CAMKMT: variants seen among roughly 807,000 people sequenced by gnomAD.
CAMKMT encodes the protein calmodulin-lysine N-methyltransferase.
CAMKMT carries 53 observed loss-of-function variants against 48.0 expected under a neutral mutation model. The observed-to-expected ratio is 1.10, with a 90% CI of 0.89 to 1.39. The LOEUF is 1.39. CAMKMT is among the 40% of genes most tolerant of loss of function. The probability of loss-of-function intolerance (pLI) is 0.00; values close to 1 mark genes in which losing one functional copy is unlikely to be tolerated. For synonymous variants in CAMKMT, 165 were observed against 152.3 expected (o/e 1.08, Z -0.61); for missense variants, 428 against 402.7 (o/e 1.06, Z -0.54).
At chr2:44,377,802 A>G (rs786624) in intron 2 of CAMKMT, among the ~76,000 whole-genome samples, 81,291 of 151,826 alleles carry the variant, frequency 0.54, 23,862 homozygotes, top group Non-Finnish European at 0.67. Context: ...GCATCTTTCT[A>G]TTATAACAAA....
chr2:44,708,183 G>A (rs972847981), intron 6 of CAMKMT, among the ~76,000 whole-genome samples: 1 of 141,954 alleles, frequency 7.0e-6, no homozygotes, highest in African/African-American at 2.6e-5. Context: ...GAAACTGAGA[G>A]GAAAAGTGGC....
intron 3 of CAMKMT, among the ~76,000 whole-genome samples, chr2:44,522,856 A>C (rs928312810): frequency 6.6e-6 from 1 of 152,334 alleles, no homozygotes; most frequent in Middle Eastern, 3.4e-3. Flanking sequence ...GGGAGCAAGA[A>C]TAAGCCAGGT....
chr2:44,621,978 G>A (rs1048010433), intron 3 of CAMKMT, among the ~76,000 whole-genome samples: 2 of 152,166 alleles, frequency 1.3e-5, no homozygotes, highest in Non-Finnish European at 1.5e-5. Flanking sequence ...GGAGGTAAAA[G>A]GTGATGGATT....
At chr2:44,671,676 G>T (rs1287466258) in intron 3 of CAMKMT, among the ~76,000 whole-genome samples, 1 of 152,010 alleles carries the variant, frequency 6.6e-6, no homozygotes, top group Non-Finnish European at 1.5e-5. Context: ...GAATTTTCAG[G>T]GATTTTTTTG....
chr2:44,417,865 A>C (rs1040871965), intron 3 of CAMKMT, among the ~76,000 whole-genome samples: 2 of 152,108 alleles, frequency 1.3e-5, no homozygotes, highest in African/African-American at 4.8e-5. Flanking sequence ...AGTGTATGTC[A>C]AATGTTTTGC....
intron 10 of CAMKMT, among the ~76,000 whole-genome samples, chr2:44,769,898 T>A (rs1681035030): frequency 1.3e-5 from 2 of 152,218 alleles, no homozygotes; most frequent in Admixed American, 1.3e-4. Context: ...ACTCCACTCC[T>A]GCTGCTGCTG....
At chr2:44,575,488 A>G (rs569187553) in intron 3 of CAMKMT, among the ~76,000 whole-genome samples, 4 of 152,252 alleles carry the variant, frequency 2.6e-5, no homozygotes, top group East Asian at 1.9e-4. Flanking sequence ...TAAGATTTTT[A>G]TCGCTATTCT....
intron 3 of CAMKMT, among the ~76,000 whole-genome samples, chr2:44,606,816 C>CA (rs913312400): frequency 2.0e-5 from 3 of 151,420 alleles, no homozygotes; most frequent in Non-Finnish European, 4.4e-5. Context: ...TGACCCCCCC[C>CA]CCACCAAGAT....
intron 3 of CAMKMT, among the ~76,000 whole-genome samples, chr2:44,594,454 C>T (rs533846355): frequency 1.3e-5 from 2 of 152,230 alleles, no homozygotes; most frequent in South Asian, 4.2e-4. Flanking sequence ...GTACTGGTAC[C>T]AAAACAGATA....
At chr2:44,517,545 G>T (rs1426625191) in intron 3 of CAMKMT, among the ~76,000 whole-genome samples, 1 of 152,184 alleles carries the variant, frequency 6.6e-6, no homozygotes, top group East Asian at 1.9e-4. Context: ...TCAACAGGGA[G>T]TGGTGCTTCT....
At chr2:44,495,361 C>G (rs541870938) in intron 3 of CAMKMT, among the ~76,000 whole-genome samples, 2 of 152,142 alleles carry the variant, frequency 1.3e-5, no homozygotes, top group Non-Finnish European at 2.9e-5. Context: ...CCAGGCTGGT[C>G]TTGAACTCCT....
At chr2:44,639,608 C>T (rs1306010776) in intron 3 of CAMKMT, among the ~76,000 whole-genome samples, 7 of 152,146 alleles carry the variant, frequency 4.6e-5, no homozygotes, top group Admixed American at 4.6e-4. Context: ...AAGCACTATA[C>T]AAGTGTAGCA....
chr2:44,750,300 G>A (rs1243787289), intron 8 of CAMKMT, among the ~76,000 whole-genome samples: 1 of 152,022 alleles, frequency 6.6e-6, no homozygotes, highest in African/African-American at 2.4e-5. Context: ...GGGATTACAG[G>A]CACACACCAC....
rs72790017 is a variant in CAMKMT, at chr2:44,484,234, C to T, written c.376+93929C>T. Among the ~76,000 whole-genome samples the T allele has an allele frequency of 2.6e-3, 384 of 149,944 alleles. 1 individual carries two copies. The highest frequency in any genetic ancestry group is 4.0e-3 in the Non-Finnish European group (273 of 67,492). On this transcript the variant is annotated intron_variant, in intron 3 of 10. Transcript: ENST00000378494. Reference sequence around the variant, plus strand: ...GGTAGAAACTGACAAACGATTTTAACGTTTATATGAAAATGTAAAGAACCA... The same window carrying T: ...GGTAGAAACTGACAAACGATTTTAATGTTTATATGAAAATGTAAAGAACCA...
intron 3 of CAMKMT, among the ~76,000 whole-genome samples, chr2:44,587,731 C>T (rs574619394): frequency 2.7e-4 from 36 of 133,108 alleles, no homozygotes; most frequent in Middle Eastern, 3.6e-3. Flanking sequence ...CCGCCAGCCT[C>T]GGCCTCCCGA....
At chr2:44,761,869 T>G (rs1291421705) in intron 9 of CAMKMT, among the ~76,000 whole-genome samples, 1 of 152,162 alleles carries the variant, frequency 6.6e-6, no homozygotes, top group African/African-American at 2.4e-5. Context: ...GAGTTTTATT[T>G]TGGACAAAAT....
chr2:44,493,513 T>C (rs893457145), intron 3 of CAMKMT, among the ~76,000 whole-genome samples: 9 of 152,236 alleles, frequency 5.9e-5, no homozygotes, highest in African/African-American at 1.7e-4. Context: ...AAACTATTGA[T>C]GGTTTAAAAA....
chr2:44,408,932 G>A (rs539073953), intron 3 of CAMKMT, among the ~76,000 whole-genome samples: 70 of 151,658 alleles, frequency 4.6e-4, no homozygotes, highest in African/African-American at 1.6e-3. Context: ...TATAGAGACA[G>A]TGTTTTGCCA....
rs866505516 is a variant in CAMKMT at position 44,578,660 on chromosome 2, G to C, written c.377-125623G>C. On this transcript the variant is annotated intron_variant, in intron 3 of 10. Coordinates refer to ENST00000378494, the MANE Select transcript of CAMKMT (RefSeq NM_024766.5). ...GTTCTACAAGGCAAATTGGGTAATG[G>C]GATGTGGTATTGGGTAATGGGATGT... Among the ~76,000 whole-genome samples, 3 of 152,168 alleles carry C rather than the reference G, an allele frequency of 2.0e-5. No individual in the cohort carries two copies. The South Asian group carries it at 6.2e-4, about 31-fold the overall frequency.
Sources: gnomAD v4.1 joint callset for allele counts (sites outside exome capture counted in the v4.1 genomes callset) on GRCh38, gnomAD v4.1.1 for gene constraint, MANE v1.5 for transcripts, NCBI Gene and HGNC (gene_info 2026-07-23, HGNC 2026-07-21) for gene names.